CERS4: variants seen among roughly 807,000 people sequenced by gnomAD.
CERS4 encodes the protein ceramide synthase 4.
A neutral mutation model predicts 51.8 loss-of-function variants in CERS4; 65 were observed. The ratio of observed to expected loss-of-function variants is 1.26; its 90% CI spans 1.03 to 1.54. The LOEUF (loss-of-function observed/expected upper bound fraction) is 1.54. CERS4 is among the 40% of genes most tolerant of loss of function. The pLI is 0.00. For missense variants in CERS4, 563 were observed against 500.4 expected (o/e 1.13, Z -1.19); for synonymous variants, 228 against 208.4 (o/e 1.09, Z -0.81).
chr19:8,257,033 T>C lies in CERS4; in HGVS notation c.697T>C (p.Ser233Pro). Residue 233 changes from serine (S) to proline (P), a missense_variant, in exon 9 of 12, where the codon TCT (serine) becomes CCT (proline). Transcript: ENST00000251363. ...SYSANLLRIG[S>P]LVLLLHDSSD... ...CAGTGCCAACCTGCTGCGCATTGGC[T>C]CTCTGGTGCTGCTGTTACACGATTC... is the stretch of plus-strand genomic sequence containing the variant. The C allele has an allele frequency of 6.2e-7, 1 of 1,612,940 alleles. No homozygotes were observed. Among genetic ancestry groups the C allele is most frequent in the Non-Finnish European group, 8.5e-7 (1 of 1,179,348 alleles).
At chr19:8,227,018 C>T (rs1220416261) in intron 2 of CERS4, among the ~76,000 whole-genome samples, 1 of 152,026 alleles carries the variant, frequency 6.6e-6, no homozygotes, top group Non-Finnish European at 1.5e-5. Flanking sequence ...GTCCCAGCTA[C>T]TTGGGATGCT....
intron 2 of CERS4, among the ~76,000 whole-genome samples, chr19:8,216,148 G>A (rs567765177): frequency 5.9e-5 from 9 of 151,940 alleles, no homozygotes; most frequent in African/African-American, 2.2e-4. Flanking sequence ...GGAGCCTGAG[G>A]TGGGCAGATC....
Position 8,255,612 on chromosome 19 carries a change from G to A in CERS4, c.297G>A (p.Gln99=). Residue 99 remains glutamine, a synonymous_variant, in exon 5 of 12, where the codon CAG becomes CAA. Transcript: ENST00000251363. ...LTEGHRPKEP[Q]LSLLAAQCGL... is the part of the protein sequence containing the mutation. ...CCTCATCACCCCCTCCCCAGCCCCA[G>A]CTGTCTCTCCTGGCCGCCCAGTGTG... The A allele has an allele frequency of 1.2e-6, 2 of 1,610,988 alleles. No individual in the cohort carries two copies. The highest frequency in any genetic ancestry group is 1.7e-6 in the Non-Finnish European group (2 of 1,179,412).
rs1599576774 is a variant in CERS4, at chr19:8,251,116, T to G, written c.40T>G (p.Phe14Val). 1 of 1,610,772 alleles carries G rather than the reference T, an allele frequency of 6.2e-7. No homozygotes were observed. The highest frequency in any genetic ancestry group is 8.5e-7 in the Non-Finnish European group (1 of 1,178,740). Residue 14 changes from phenylalanine (F) to valine (V), a missense_variant, in exon 3 of 12, where the codon TTC becomes GTC. Phe to Val is a conservative substitution (Grantham distance 50, BLOSUM62 -1). Transcript: ENST00000251363. Reference protein sequence around the residue: ...SFNEWFWQDRFWLPPNVTWTE... With the variant: ...SFNEWFWQDRVWLPPNVTWTE... ...CAACGAGTGGTTTTGGCAGGACAGG[T>G]TCTGGTTACCACCCAATGTCACGTG...
intron 2 of CERS4, among the ~76,000 whole-genome samples, chr19:8,244,170 G>A (rs1045206985): frequency 4.6e-5 from 7 of 152,212 alleles, no homozygotes; most frequent in Admixed American, 6.5e-5. Context: ...AGGAGCTGGA[G>A]GGTGCAGGCA....
At chr19:8,251,453 A>G (rs1042879805) in intron 3 of CERS4, among the ~76,000 whole-genome samples, 8 of 152,056 alleles carry the variant, frequency 5.3e-5, no homozygotes, top group Non-Finnish European at 1.0e-4. Context: ...CACTGACTGC[A>G]GCTGGTTTAT....
chr19:8,242,437 CAGAGG>C (rs774423341), intron 2 of CERS4, among the ~76,000 whole-genome samples: 1 of 152,174 alleles, frequency 6.6e-6, no homozygotes, highest in African/African-American at 2.4e-5. Context: ...CATGATTCAG[CAGAGG>C]AGAGGAGAGT....
intron 2 of CERS4, among the ~76,000 whole-genome samples, chr19:8,219,733 C>G (rs1297221441): frequency 6.6e-6 from 1 of 152,182 alleles, no homozygotes; most frequent in East Asian, 1.9e-4. Flanking sequence ...GCAGAAAAAT[C>G]GCTTGAACCC....
At chr19:8,249,327 T>C (rs546499970) in intron 2 of CERS4, among the ~76,000 whole-genome samples, 1 of 152,104 alleles carries the variant, frequency 6.6e-6, no homozygotes, top group East Asian at 1.9e-4. Context: ...ACTTTCTGAG[T>C]GGGAACCACT....
In CERS4 at chr19:8,249,524, C is replaced by T. The variant is rs550056324; in HGVS notation, c.-1-1552C>T. Among the ~76,000 whole-genome samples the T allele has an allele frequency of 1.3e-4, 20 of 151,586 alleles. No homozygotes were observed. The East Asian group carries it at 3.9e-3, about 29-fold the overall frequency. ...GTGGGCTCTGGGATAGCAAGAGACC[C>T]CCCTGAAATTCCCACCTAGAGAGGA... is the stretch of plus-strand genomic sequence containing the variant. On this transcript the variant is annotated intron_variant, in intron 2 of 11. Transcript: ENST00000251363.
intron 2 of CERS4, among the ~76,000 whole-genome samples, chr19:8,232,293 T>A (rs1441029342): frequency 6.6e-6 from 1 of 152,036 alleles, no homozygotes; most frequent in Non-Finnish European, 1.5e-5. Flanking sequence ...TATTTCTTTT[T>A]TCTTTTCTTT....
At chr19:8,238,454 TG>T in intron 2 of CERS4, 1 of 966,934 alleles carries the variant, frequency 1.0e-6, no homozygotes, top group Middle Eastern at 5.3e-4. Context: ...TGCAGAGGCC[TG>T]GAGGCTTGGG....
intron 2 of CERS4, among the ~76,000 whole-genome samples, chr19:8,245,130 A>AAAAAACAAAAAAAAACAAAAAAAC (rs1968722328): frequency 6.7e-6 from 1 of 149,954 alleles, no homozygotes; most frequent in Non-Finnish European, 1.5e-5. Context: ...AAAAAAAAAA[A>AAAAAACAAAAAAAAACAAAAAAAC]AAAAACACTC....
At position 8,221,872 on chromosome 19, in the gene CERS4, G is replaced by GTTTTTTTTTTTTTTTT. The variant is rs71165297; in HGVS notation, c.-2+11022_-2+11037dup. On this transcript the variant is annotated intron_variant, in intron 2 of 11. Transcript: ENST00000251363. ...CTTACTGACTTATTTATTTTTTTAT[G>GTTTTTTTTTTTTTTTT]TTTTTTTTTTTTTTTTTTTTTTTTT... 1.5e-4 allele frequency among the ~76,000 whole-genome samples: 6 copies of GTTTTTTTTTTTTTTTT among 39,468 alleles called. 1 individual carries two copies. Among genetic ancestry groups the GTTTTTTTTTTTTTTTT allele is most frequent in the Non-Finnish European group, 2.8e-4 (6 of 21,060 alleles). 25.9% of individuals were successfully genotyped at this position (39,468 alleles called of 152,430 possible).
chr19:8,245,122 A>AAAAACAAAAAAAAACAAAAAC (rs1555777239), intron 2 of CERS4, among the ~76,000 whole-genome samples: 19 of 129,258 alleles, frequency 1.5e-4, no homozygotes, highest in Non-Finnish European at 2.5e-4. Flanking sequence ...AAAAAAAAAA[A>AAAAACAAAAAAAAACAAAAAC]AAAAAAAAAA....
chr19:8,221,807 T>C (rs979797094), intron 2 of CERS4, among the ~76,000 whole-genome samples: 1 of 150,784 alleles, frequency 6.6e-6, no homozygotes, highest in African/African-American at 2.4e-5. Flanking sequence ...ATTACAGGCA[T>C]GAGCCACCAC....
chr19:8,238,883 A>G (rs1287631208), intron 2 of CERS4, among the ~76,000 whole-genome samples: 1 of 152,058 alleles, frequency 6.6e-6, no homozygotes, highest in Non-Finnish European at 1.5e-5. Flanking sequence ...AGAATGGCTC[A>G]AGACCAGGAG....
At chr19:8,235,190 G>A (rs1314002601) in intron 2 of CERS4, among the ~76,000 whole-genome samples, 2 of 150,966 alleles carry the variant, frequency 1.3e-5, no homozygotes, top group Non-Finnish European at 3.0e-5. Context: ...TGTATTTTTA[G>A]TAGAAACGGG....
chr19:8,255,915 C>T (rs1452795852), intron 6 of CERS4, 36 bp downstream of exon 6: 4 of 1,604,720 alleles, frequency 2.5e-6, no homozygotes, highest in Non-Finnish European at 3.4e-6. Context: ...TGCTCACCTG[C>T]CCCATCCACC....
Sources: allele counts gnomAD v4.1 joint callset (sites outside exome capture counted in the v4.1 genomes callset), GRCh38; gene constraint gnomAD v4.1.1; transcripts MANE v1.5; gene names NCBI Gene and HGNC (gene_info 2026-07-23, HGNC 2026-07-21).